The following PBX3 variants were observed in gnomAD, a reference collection of about 807,000 sequenced individuals.
PBX3 encodes the protein pre-B-cell leukemia transcription factor 3.
Under a neutral mutation model 48.5 loss-of-function variants are expected in PBX3, and 14 were observed. The observed-to-expected ratio is 0.29, with a 90% CI of 0.19 to 0.45. The LOEUF (loss-of-function observed/expected upper bound fraction) is 0.45. Among genes scored for constraint, PBX3 ranks in the 20% least tolerant of loss-of-function variants. PBX3 has a pLI of 1.00. For synonymous variants in PBX3, 210 were observed against 200.3 expected, an observed-to-expected ratio of 1.05 and a Z score of -0.41; for missense variants, 386 against 546.7, an observed-to-expected ratio of 0.71 and a Z score of 2.93.
chr9:125,933,958 C>CA (rs1257498525), intron 4 of PBX3, among the ~76,000 whole-genome samples: 1 of 152,144 alleles, frequency 6.6e-6, no homozygotes. Flanking sequence ...TCAAGCAACA[C>CA]ATGACTCCTG....
At chr9:125,935,655 C>T (rs781741220) in intron 5 of PBX3, 48 bp downstream of exon 5, 2 of 1,530,240 alleles carry the variant, frequency 1.3e-6, no homozygotes, top group East Asian at 2.3e-5. Flanking sequence ...GAGACAGGAA[C>T]CTCATTCCTT....
chr9:125,791,652 T>G (rs1275358456), intron 2 of PBX3, among the ~76,000 whole-genome samples: 1 of 152,084 alleles, frequency 6.6e-6, no homozygotes, highest in African/African-American at 2.4e-5. Flanking sequence ...TTAAGTTTCC[T>G]AGGCCGGGCG....
chr9:125,922,044 A>G (rs1841468388), intron 3 of PBX3, among the ~76,000 whole-genome samples: 1 of 152,184 alleles, frequency 6.6e-6, no homozygotes, highest in African/African-American at 2.4e-5. Context: ...AAAGGCAAAA[A>G]CGAGGTTGAA....
chr9:125,865,035 TG>T (rs1768100963), intron 2 of PBX3, among the ~76,000 whole-genome samples: 1 of 152,378 alleles, frequency 6.6e-6, no homozygotes, highest in African/African-American at 2.4e-5. Flanking sequence ...TAACATTTAT[TG>T]TGCCTGGCGC....
chr9:125,897,270 G>A (rs1281822041), intron 2 of PBX3, among the ~76,000 whole-genome samples: 1 of 148,636 alleles, frequency 6.7e-6, no homozygotes, highest in African/African-American at 2.5e-5. Flanking sequence ...TTTTGCAAAT[G>A]TATCTTAAAA....
intron 2 of PBX3, among the ~76,000 whole-genome samples, chr9:125,888,111 G>A (rs1043187724): frequency 7.9e-5 from 12 of 152,104 alleles, no homozygotes; most frequent in Non-Finnish European, 1.3e-4. Context: ...GCATTTAGAC[G>A]TAAAAGAAAT....
At chr9:125,749,257 G>A (rs1368467425) in intron 2 of PBX3, 1 of 152,280 alleles carries the variant, frequency 6.6e-6, no homozygotes, top group Non-Finnish European at 1.5e-5. Flanking sequence ...AAGGTCTACA[G>A]ATGCAGGTTA....
In PBX3 at chr9:125,759,707, C is replaced by G. The variant is rs189892914; in HGVS notation, c.274+11084C>G. Among the ~76,000 whole-genome samples, 1 of 152,170 alleles carries G rather than the reference C, an allele frequency of 6.6e-6. No homozygotes were observed. Among genetic ancestry groups the G allele is most frequent in the African/African-American group, 2.4e-5 (1 of 41,440 alleles). ...GCAGTTTGTGGACCGCGTCTGTGAA[C>G]GCGGCTCATAATTGTTTTTCACACA... On this transcript the variant is annotated intron_variant, in intron 2 of 8. Transcript: ENST00000373489. The surrounding 1 kb of genome is among the most constrained non-coding windows in gnomAD (Gnocchi z 4.2).
At chr9:125,914,783 T>A (rs1841288141) in intron 2 of PBX3, among the ~76,000 whole-genome samples, 1 of 152,250 alleles carries the variant, frequency 6.6e-6, no homozygotes, top group Non-Finnish European at 1.5e-5. Flanking sequence ...GATTTTGAGC[T>A]GTCATGACTC....
chr9:125,942,243 T>C (rs1176252663), intron 5 of PBX3, among the ~76,000 whole-genome samples: 1 of 152,092 alleles, frequency 6.6e-6, no homozygotes, highest in Non-Finnish European at 1.5e-5. Context: ...GAAACTGAAG[T>C]CTTACTTTTT....
intron 2 of PBX3, among the ~76,000 whole-genome samples, chr9:125,810,396 GTA>G (rs1838255970): frequency 6.6e-6 from 1 of 151,626 alleles, no homozygotes; most frequent in Admixed American, 6.6e-5. Context: ...GTGTGTGTGT[GTA>G]TGGTGGAGCA....
chr9:125,857,167 TA>T (rs1316084109), intron 2 of PBX3, among the ~76,000 whole-genome samples: 3 of 152,156 alleles, frequency 2.0e-5, no homozygotes, highest in Non-Finnish European at 4.4e-5. Flanking sequence ...CGTTGGCACT[TA>T]TTGTTTATAG....
Position 125,747,624 on chromosome 9 carries a change from C to T in PBX3, c.171C>T (p.Thr57=). ...GDILHQIMTI[T]DQSLDEAQAK... ...TCCTCCACCAGATCATGACCATCAC[C>T]GACCAGAGCTTGGACGAGGCGCAAG... is the stretch of plus-strand genomic sequence containing the variant. Residue 57 remains threonine, a synonymous_variant, in exon 1 of 9, where the codon ACC becomes ACT. Coordinates refer to ENST00000373489, the MANE Select transcript of PBX3 (RefSeq NM_006195.6). The T allele has an allele frequency of 1.3e-6, 2 of 1,597,890 alleles. No homozygotes were observed. Among genetic ancestry groups the T allele is most frequent in the South Asian group, 1.1e-5 (1 of 89,610 alleles).
At chr9:125,806,787 G>A (rs1053759686) in intron 2 of PBX3, among the ~76,000 whole-genome samples, 4 of 152,204 alleles carry the variant, frequency 2.6e-5, no homozygotes, top group Non-Finnish European at 5.9e-5. Context: ...CATTCATGTA[G>A]CATTGAAGTA....
At chr9:125,900,627 AC>A (rs1419954552) in intron 2 of PBX3, among the ~76,000 whole-genome samples, 1 of 151,736 alleles carries the variant, frequency 6.6e-6, no homozygotes, top group African/African-American at 2.4e-5. Context: ...AGGTGGCTTT[AC>A]ACCTAAACAA....
At chr9:125,936,826 C>CATA (rs1233176526) in intron 5 of PBX3, among the ~76,000 whole-genome samples, 1 of 152,144 alleles carries the variant, frequency 6.6e-6, no homozygotes, top group Non-Finnish European at 1.5e-5. Flanking sequence ...CTTACATAGA[C>CATA]ATATATTATA....
At chr9:125,866,590 T>C (rs73667102) in intron 2 of PBX3, among the ~76,000 whole-genome samples, 5,930 of 152,202 alleles carry the variant, frequency 0.039, 404 homozygotes, top group African/African-American at 0.13. Flanking sequence ...ATCATGGCTA[T>C]TTTATTAGAG....
intron 2 of PBX3, among the ~76,000 whole-genome samples, chr9:125,803,956 G>A (rs556999647): frequency 6.6e-6 from 1 of 152,080 alleles, no homozygotes; most frequent in East Asian, 1.9e-4. Flanking sequence ...GTCGTAAAAG[G>A]TGAATAACTG....
intron 3 of PBX3, among the ~76,000 whole-genome samples, chr9:125,928,591 G>A (rs1265659321): frequency 6.6e-6 from 1 of 151,332 alleles, no homozygotes; most frequent in South Asian, 2.1e-4. Context: ...TCAGCCTCCC[G>A]AGTAGCTGGG....
Sources: allele counts gnomAD v4.1 joint callset (sites outside exome capture counted in the v4.1 genomes callset), GRCh38; gene constraint gnomAD v4.1.1; non-coding constraint Gnocchi (gnomAD v3.1); transcripts MANE v1.5; gene names NCBI Gene and HGNC (gene_info 2026-07-23, HGNC 2026-07-21).